The following PPP2R5A variants were observed in gnomAD, a reference collection of about 807,000 sequenced individuals.
The protein encoded by PPP2R5A is protein phosphatase 2 regulatory subunit B'alpha, also known as serine/threonine-protein phosphatase 2A 56 kDa regulatory subunit alpha isoform.
A neutral mutation model predicts 64.2 loss-of-function variants in PPP2R5A; 25 were observed. The ratio of observed to expected loss-of-function variants is 0.39; its 90% CI spans 0.28 to 0.54. The LOEUF (loss-of-function observed/expected upper bound fraction) is 0.54, where lower values mean the gene tolerates loss of function less well. Among genes scored for constraint, PPP2R5A ranks in the 20% least tolerant of loss-of-function variants. The pLI, the probability that PPP2R5A is intolerant of heterozygous loss-of-function variation, is 0.67. For missense variants in PPP2R5A, 425 were observed against 576.3 expected (o/e 0.74, Z 2.69); for synonymous variants, 198 against 201.2 (o/e 0.98, Z 0.13).
intron 1 of PPP2R5A, among the ~76,000 whole-genome samples, chr1:212,289,016 T>C (rs984979815): frequency 3.3e-5 from 5 of 152,234 alleles, no homozygotes; most frequent in Non-Finnish European, 7.3e-5. Context: ...GGGATTTTAA[T>C]GGCAAAAATG....
chr1:212,321,151 G>A (rs1390502425), intron 1 of PPP2R5A, among the ~76,000 whole-genome samples: 91 of 142,894 alleles, frequency 6.4e-4, no homozygotes, highest in Non-Finnish European at 1.0e-3. Flanking sequence ...CGGCAGAGGC[G>A]CCCCTCACCT....
rs149320403 is a variant in PPP2R5A, at chr1:212,356,990, T to C, written c.1019T>C (p.Ile340Thr). Residue 340 changes from isoleucine (I) to threonine (T), a missense_variant, in exon 10 of 13, where the codon ATT (isoleucine) becomes ACT (threonine). Transcript: ENST00000261461. ...GAAATTGAAGAAATCTTAGATGTCATTGAACCAACACAGTTCAAAAAAATT... is the reference window on the plus strand; with the variant it reads ...GAAATTGAAGAAATCTTAGATGTCACTGAACCAACACAGTTCAAAAAAATT... Reference protein sequence around the residue: ...LGEIEEILDVIEPTQFKKIEE... With the variant: ...LGEIEEILDVTEPTQFKKIEE... The C allele has an allele frequency of 4.4e-6, 7 of 1,603,978 alleles. No homozygotes were observed. The highest frequency in any genetic ancestry group is 2.2e-5 in the South Asian group (2 of 88,920).
intron 8 of PPP2R5A, among the ~76,000 whole-genome samples, chr1:212,350,004 T>G (rs928867009): frequency 3.9e-5 from 6 of 152,254 alleles, no homozygotes; most frequent in Non-Finnish European, 8.8e-5. Flanking sequence ...CAAAAGTGAT[T>G]GCGGCTTTTG....
intron 5 of PPP2R5A, 99 bp downstream of exon 5, chr1:212,346,032 C>G: frequency 2.5e-6 from 3 of 1,200,064 alleles, no homozygotes; most frequent in Non-Finnish European, 2.3e-6. Flanking sequence ...GACAGGGTCT[C>G]ACTCTGTCAT....
chr1:212,304,102 C>A (rs949475683), intron 1 of PPP2R5A, among the ~76,000 whole-genome samples: 6 of 152,142 alleles, frequency 3.9e-5, no homozygotes, highest in African/African-American at 1.2e-4. Flanking sequence ...TCTCTAAACA[C>A]CCTTAAATTT....
intron 12 of PPP2R5A, 28 bp from the exon 13 acceptor site, chr1:212,360,610 G>C: frequency 6.6e-7 from 1 of 1,515,060 alleles, no homozygotes; most frequent in Non-Finnish European, 8.9e-7. Flanking sequence ...AATAATTTCT[G>C]ATTACAAAAA....
At chr1:212,333,667 A>C (rs1187193673) in intron 3 of PPP2R5A, 69 bp downstream of exon 3, 1 of 882,038 alleles carries the variant, frequency 1.1e-6, no homozygotes, top group Non-Finnish European at 1.6e-6. Context: ...TGGTTTTCTC[A>C]TTTAGATTCT....
intron 1 of PPP2R5A, among the ~76,000 whole-genome samples, chr1:212,294,746 G>T (rs918966639): frequency 1.3e-5 from 2 of 152,158 alleles, no homozygotes; most frequent in Non-Finnish European, 2.9e-5. Context: ...CAATTAATGT[G>T]TTCAGTGTCA....
At chr1:212,352,849 G>A (rs373671602) in intron 8 of PPP2R5A, 14 of 519,106 alleles carry the variant, frequency 2.7e-5, no homozygotes, top group Non-Finnish European at 5.4e-5. Context: ...CTGCTTCCAT[G>A]TAGCTGCTGT....
At chr1:212,288,692 G>GT (rs1265183018) in intron 1 of PPP2R5A, among the ~76,000 whole-genome samples, 1 of 152,112 alleles carries the variant, frequency 6.6e-6, no homozygotes, top group African/African-American at 2.4e-5. Context: ...ACAGTGTTGT[G>GT]TTTTTTCTGC....
intron 1 of PPP2R5A, among the ~76,000 whole-genome samples, chr1:212,313,328 ATT>A (rs1659074605): frequency 6.6e-6 from 1 of 152,176 alleles, no homozygotes; most frequent in African/African-American, 2.4e-5. Flanking sequence ...ACTTTTTGTC[ATT>A]CTTACCCAAT....
chr1:212,326,391 T>G (rs1489750728), intron 1 of PPP2R5A, among the ~76,000 whole-genome samples: 1 of 151,958 alleles, frequency 6.6e-6, no homozygotes, highest in East Asian at 1.9e-4. Context: ...GTCAGGAGTT[T>G]GAGGCCAGGC....
At chr1:212,318,951 G>A (rs766071004) in intron 1 of PPP2R5A, among the ~76,000 whole-genome samples, 1 of 152,128 alleles carries the variant, frequency 6.6e-6, no homozygotes, top group Non-Finnish European at 1.5e-5. Context: ...TTGTCCCCAT[G>A]GATAATGCAG....
intron 8 of PPP2R5A, chr1:212,352,794 T>C (rs747806214): frequency 7.7e-6 from 4 of 518,724 alleles, no homozygotes; most frequent in African/African-American, 1.9e-5. Context: ...ACAAAATTTA[T>C]TGGCTTAAAA....
chr1:212,310,884 T>C (rs1469426018), intron 1 of PPP2R5A, among the ~76,000 whole-genome samples: 1 of 152,210 alleles, frequency 6.6e-6, no homozygotes, highest in Non-Finnish European at 1.5e-5. Flanking sequence ...TAAAGATGTC[T>C]GGGAGCTAGA....
chr1:212,321,479 C>T (rs1202636023), intron 1 of PPP2R5A, among the ~76,000 whole-genome samples: 64 of 147,130 alleles, frequency 4.3e-4, no homozygotes, highest in Non-Finnish European at 1.5e-5. Context: ...GACGGTGTGG[C>T]TGCCGGGCGG....
intron 3 of PPP2R5A, among the ~76,000 whole-genome samples, chr1:212,336,229 C>T (rs1365968943): frequency 6.6e-6 from 1 of 152,160 alleles, no homozygotes; most frequent in African/African-American, 2.4e-5. Flanking sequence ...ATTCTCCTGC[C>T]TCAAGTCTCT....
chr1:212,305,675 T>C (rs1389770571), intron 1 of PPP2R5A, among the ~76,000 whole-genome samples: 1 of 152,172 alleles, frequency 6.6e-6, no homozygotes, highest in Non-Finnish European at 1.5e-5. Flanking sequence ...TTTTGAATTT[T>C]CTATTTCTCT....
intron 1 of PPP2R5A, among the ~76,000 whole-genome samples, chr1:212,296,610 C>A (rs753851646): frequency 2.6e-5 from 4 of 152,120 alleles, no homozygotes; most frequent in Non-Finnish European, 5.9e-5. Flanking sequence ...ACAAAATATG[C>A]CGGGACAAGT....
Sources: gnomAD v4.1 joint callset for allele counts (sites outside exome capture counted in the v4.1 genomes callset) on GRCh38, gnomAD v4.1.1 for gene constraint, MANE v1.5 for transcripts, NCBI Gene and HGNC (gene_info 2026-07-23, HGNC 2026-07-21) for gene names.